RNF216: variants seen among roughly 807,000 people sequenced by gnomAD.
The protein encoded by RNF216 is ring finger protein 216.
RNF216 carries 72 observed loss-of-function variants against 110.8 expected under a neutral mutation model. The ratio of observed to expected loss-of-function variants is 0.65; its 90% CI spans 0.54 to 0.79. RNF216 has a LOEUF of 0.79. RNF216 is among the 30% of genes least tolerant of loss of function. The probability of loss-of-function intolerance (pLI) is 0.00; values close to 1 mark genes in which losing one functional copy is unlikely to be tolerated. For synonymous variants in RNF216, 495 were observed against 407.5 expected (o/e 1.21, Z -2.59); for missense variants, 1,342 against 1,141.2 (o/e 1.18, Z -2.54).
intron 13 of RNF216, among the ~76,000 whole-genome samples, chr7:5,689,042 C>G (rs971696227): frequency 1.3e-5 from 2 of 152,118 alleles, no homozygotes; most frequent in African/African-American, 4.8e-5. Flanking sequence ...CTGTGGCTTC[C>G]TCTCTCATAA....
chr7:5,702,215 C>T (rs372547256), intron 13 of RNF216, among the ~76,000 whole-genome samples: 7 of 152,126 alleles, frequency 4.6e-5, no homozygotes, highest in Non-Finnish European at 1.0e-4. Context: ...AGCAGCCCTG[C>T]AGAGGGAGTG....
intron 11 of RNF216, among the ~76,000 whole-genome samples, chr7:5,714,538 G>A (rs1584498327): frequency 3.3e-5 from 5 of 152,296 alleles, no homozygotes; most frequent in African/African-American, 4.8e-5. Context: ...GATTACAGGC[G>A]TGAGCCACCC....
At chr7:5,712,288 T>A (rs964133158) in intron 12 of RNF216, among the ~76,000 whole-genome samples, 5 of 152,180 alleles carry the variant, frequency 3.3e-5, no homozygotes, top group African/African-American at 1.2e-4. Flanking sequence ...GAGACCAGCC[T>A]GGCCAACATG....
At chr7:5,656,779 T>C (rs1788774609) in intron 13 of RNF216, among the ~76,000 whole-genome samples, 1 of 152,200 alleles carries the variant, frequency 6.6e-6, no homozygotes, top group East Asian at 1.9e-4. Flanking sequence ...GAATAATGAT[T>C]AATGAATAAA....
At chr7:5,636,331 G>A (rs1359314500) in intron 15 of RNF216, among the ~76,000 whole-genome samples, 1 of 152,156 alleles carries the variant, frequency 6.6e-6, no homozygotes, top group African/African-American at 2.4e-5. Context: ...TTCTTTATAA[G>A]ACTCTTAGTT....
intron 7 of RNF216, among the ~76,000 whole-genome samples, chr7:5,728,987 G>C (rs1373569438): frequency 6.6e-6 from 1 of 152,208 alleles, no homozygotes; most frequent in Non-Finnish European, 1.5e-5. Flanking sequence ...CCTGCGGGGA[G>C]AACGCTGGGA....
chr7:5,664,054 G>A (rs926268463), intron 13 of RNF216, among the ~76,000 whole-genome samples: 1 of 152,134 alleles, frequency 6.6e-6, no homozygotes, highest in South Asian at 2.1e-4. Flanking sequence ...GGTATCTTTG[G>A]ATTTCTAGGG....
intron 13 of RNF216, among the ~76,000 whole-genome samples, chr7:5,668,444 T>C (rs1212185363): frequency 8.6e-5 from 13 of 151,946 alleles, no homozygotes; most frequent in South Asian, 2.1e-4. Context: ...AGGATGGTCT[T>C]GATTTCCTGA....
chr7:5,715,991 T>C (rs1475938877), intron 10 of RNF216, among the ~76,000 whole-genome samples: 2 of 152,102 alleles, frequency 1.3e-5, no homozygotes, highest in African/African-American at 4.8e-5. Context: ...TGTGCCTGCC[T>C]TGGCCTTCCG....
intron 1 of RNF216, among the ~76,000 whole-genome samples, chr7:5,778,990 C>T (rs572809568): frequency 2.1e-4 from 32 of 152,308 alleles, no homozygotes; most frequent in African/African-American, 6.5e-4. Flanking sequence ...GTGATCTGCC[C>T]GCCTCGGCCT....
chr7:5,677,268 C>T (rs1790362063), intron 13 of RNF216, among the ~76,000 whole-genome samples: 1 of 152,200 alleles, frequency 6.6e-6, no homozygotes, highest in South Asian at 2.1e-4. Context: ...CTGCTGTTGT[C>T]TTTTGCTTCT....
At chr7:5,727,874 T>C (rs923460175) in intron 7 of RNF216, among the ~76,000 whole-genome samples, 4 of 151,722 alleles carry the variant, frequency 2.6e-5, no homozygotes, top group Non-Finnish European at 5.9e-5. Context: ...GGGTACCTCA[T>C]CCTGGCTGGT....
intron 1 of RNF216, among the ~76,000 whole-genome samples, chr7:5,780,634 G>C (rs1331635989): frequency 6.6e-6 from 1 of 152,068 alleles, no homozygotes; most frequent in Non-Finnish European, 1.5e-5. Context: ...GAATCCGGGA[G>C]GCAGAGCTTG....
At position 5,685,812 on chromosome 7, in the gene RNF216, G is replaced by A. The variant is rs116546059; in HGVS notation, c.2061+25949C>T. 2.0e-3 allele frequency among the ~76,000 whole-genome samples: 312 copies of A among 152,322 alleles called. 1 individual carries two copies. Among genetic ancestry groups the A allele is most frequent in the African/African-American group, 7.1e-3 (294 of 41,572 alleles). On this transcript the variant is annotated intron_variant, in intron 13 of 16. Coordinates refer to ENST00000389902, the MANE Select transcript of RNF216 (RefSeq NM_207111.4). ...AAAGCCCCATTAATCCTCATGCCTTGTAATTAAATATGTATGTTAAGAAGG... is the reference window on the plus strand; with the variant it reads ...AAAGCCCCATTAATCCTCATGCCTTATAATTAAATATGTATGTTAAGAAGG...
intron 15 of RNF216, among the ~76,000 whole-genome samples, chr7:5,628,473 A>C (rs975877928): frequency 6.6e-6 from 1 of 151,974 alleles, no homozygotes; most frequent in Non-Finnish European, 1.5e-5. Flanking sequence ...TTTCTTTTTT[A>C]AAATAAAAAA....
Position 5,652,350 on chromosome 7 carries a change from A to C in RNF216, c.2159+63T>G, listed in dbSNP as rs888977555. 14 of 1,210,314 alleles carry C rather than the reference A, an allele frequency of 1.2e-5. No homozygotes were observed. In the African/African-American group the frequency reaches 1.9e-4, roughly 17 times the overall value. The allele number at this position is 1,210,314 out of a possible 1,614,324, so 75.0% of individuals were successfully genotyped here. ...CCGACAACAGTATGCCCTCTCTACC[A>C]AAAAGCAGGTTAATGGGGAAGTTGA... On this transcript the variant is annotated intron_variant, in intron 14 of 16. Transcript: ENST00000389902.
rs1356888806 is a variant in RNF216 at position 5,722,600 on chromosome 7, C to T, written c.1505-1428G>A. ...AAAGACGGGGTTTCACTGTGTTAGC[C>T]AGGATGGTCTTGATCTCCCGACCTC... On this transcript the variant is annotated intron_variant, in intron 8 of 16. Coordinates refer to ENST00000389902, the MANE Select transcript of RNF216 (RefSeq NM_207111.4). Among the ~76,000 whole-genome samples the T allele has an allele frequency of 2.0e-5, 3 of 151,644 alleles. No homozygotes were observed. In the Middle Eastern group the frequency reaches 0.01, roughly 523 times the overall value.
At chr7:5,724,861 G>C (rs571222558) in intron 8 of RNF216, among the ~76,000 whole-genome samples, 49 of 152,150 alleles carry the variant, frequency 3.2e-4, no homozygotes, top group African/African-American at 1.2e-3. Flanking sequence ...TCTTCAAAAG[G>C]GTTTTCAGCA....
At chr7:5,639,315 G>A (rs1333209015) in intron 15 of RNF216, among the ~76,000 whole-genome samples, 1 of 152,150 alleles carries the variant, frequency 6.6e-6, no homozygotes, top group Non-Finnish European at 1.5e-5. Context: ...TAGAATGCTG[G>A]AAGCAACTGG....
Sources: allele counts gnomAD v4.1 joint callset (sites outside exome capture counted in the v4.1 genomes callset), GRCh38; gene constraint gnomAD v4.1.1; transcripts MANE v1.5; gene names NCBI Gene and HGNC (gene_info 2026-07-23, HGNC 2026-07-21).